FANCC: variants seen among roughly 807,000 people sequenced by gnomAD.
FANCC encodes Fanconi anemia group C protein.
A neutral mutation model predicts 71.3 loss-of-function variants in FANCC; 55 were observed. The ratio of observed to expected loss-of-function variants is 0.77; its 90% CI spans 0.62 to 0.97. The LOEUF is 0.97. Ranked by LOEUF, FANCC falls within the 50% of genes least tolerant of loss-of-function variation. FANCC has a pLI of 0.00. For synonymous variants in FANCC, 275 were observed against 244.9 expected, an observed-to-expected ratio of 1.12 and a Z score of -1.15; for missense variants, 678 against 670.9, an observed-to-expected ratio of 1.01 and a Z score of -0.12.
At chr9:95,289,710 G>T (rs1253625502) in intron 1 of FANCC, among the ~76,000 whole-genome samples, 2 of 152,142 alleles carry the variant, frequency 1.3e-5, no homozygotes, top group African/African-American at 4.8e-5. Flanking sequence ...GAGTACAGTG[G>T]TGCTATCATG....
chr9:95,314,698 T>A (rs543415951), intron 1 of FANCC, among the ~76,000 whole-genome samples: 3 of 151,004 alleles, frequency 2.0e-5, no homozygotes, highest in Non-Finnish European at 3.0e-5. Flanking sequence ...ATAAAAAAAA[T>A]TTTAATGAAA....
At chr9:95,312,799 C>A (rs749859279) in intron 1 of FANCC, among the ~76,000 whole-genome samples, 20 of 152,158 alleles carry the variant, frequency 1.3e-4, no homozygotes, top group Non-Finnish European at 2.5e-4. Flanking sequence ...GGAAAAATAC[C>A]CACTTCTTCC....
chr9:95,122,256 C>T (rs2072945135), intron 10 of FANCC, among the ~76,000 whole-genome samples: 1 of 152,064 alleles, frequency 6.6e-6, no homozygotes, highest in Non-Finnish European at 1.5e-5. Context: ...TTTACAGATA[C>T]TCATTTTATT....
chr9:95,206,895 A>T (rs1210864687), intron 4 of FANCC, among the ~76,000 whole-genome samples: 1 of 152,142 alleles, frequency 6.6e-6, no homozygotes, highest in Non-Finnish European at 1.5e-5. Context: ...ATGCTTTTCC[A>T]GGAGCATTAT....
intron 1 of FANCC, among the ~76,000 whole-genome samples, chr9:95,305,637 T>C (rs1835032959): frequency 3.3e-5 from 5 of 152,342 alleles, no homozygotes; most frequent in Admixed American, 3.3e-4. Context: ...ACTTTAATTC[T>C]AACAAACTCA....
At chr9:95,277,673 A>G (rs1833128054) in intron 1 of FANCC, among the ~76,000 whole-genome samples, 1 of 152,200 alleles carries the variant, frequency 6.6e-6, no homozygotes, top group Admixed American at 6.5e-5. Context: ...GCAGAAATAG[A>G]AAAATAGCCC....
At chr9:95,302,994 C>T (rs771459753) in intron 1 of FANCC, among the ~76,000 whole-genome samples, 5 of 152,032 alleles carry the variant, frequency 3.3e-5, no homozygotes, top group Admixed American at 6.6e-5. Context: ...CTAAGTATGT[C>T]TTGAACCTAA....
At chr9:95,203,217 C>T (rs1314317127) in intron 4 of FANCC, among the ~76,000 whole-genome samples, 1 of 151,902 alleles carries the variant, frequency 6.6e-6, no homozygotes, top group Non-Finnish European at 1.5e-5. Context: ...GGCAACATAG[C>T]AAGACCCCAT....
At chr9:95,194,679 T>C (rs971229233) in intron 4 of FANCC, among the ~76,000 whole-genome samples, 1 of 152,080 alleles carries the variant, frequency 6.6e-6, no homozygotes, top group Non-Finnish European at 1.5e-5. Context: ...CGTGAAATAG[T>C]GTTTGCCCAT....
intron 7 of FANCC, among the ~76,000 whole-genome samples, chr9:95,149,450 T>C (rs1829983451): frequency 6.6e-6 from 1 of 151,166 alleles, no homozygotes; most frequent in Non-Finnish European, 1.5e-5. Context: ...AAGTTAAAAA[T>C]AAAAAAATAA....
chr9:95,269,364 T>C (rs1832589102), intron 1 of FANCC, among the ~76,000 whole-genome samples: 1 of 152,234 alleles, frequency 6.6e-6, no homozygotes, highest in African/African-American at 2.4e-5. Flanking sequence ...GGAATTGTTT[T>C]TACAAACTCG....
At chr9:95,111,209 G>A in intron 13 of FANCC, 1 of 1,536,316 alleles carries the variant, frequency 6.5e-7, no homozygotes, top group South Asian at 1.2e-5. Context: ...AATGACCTTG[G>A]GGAAGAAGGG....
chr9:95,159,459 T>A (rs1345935530), intron 6 of FANCC, among the ~76,000 whole-genome samples: 1 of 152,210 alleles, frequency 6.6e-6, no homozygotes, highest in Non-Finnish European at 1.5e-5. Context: ...TCATTCCAAG[T>A]CTTTGCTATT....
At chr9:95,203,395 A>AAAAAC (rs1168036347) in intron 4 of FANCC, among the ~76,000 whole-genome samples, 3 of 151,524 alleles carry the variant, frequency 2.0e-5, no homozygotes, top group Non-Finnish European at 2.9e-5. Context: ...AAAAAAAAAA[A>AAAAAC]ACACCTGAAA....
At chr9:95,108,436 G>GT (rs975230010) in intron 13 of FANCC, among the ~76,000 whole-genome samples, 3 of 152,182 alleles carry the variant, frequency 2.0e-5, no homozygotes, top group Non-Finnish European at 2.9e-5. Flanking sequence ...CTTTATATCT[G>GT]TTTTTTCTCT....
intron 4 of FANCC, among the ~76,000 whole-genome samples, chr9:95,234,660 A>C (rs1830195053): frequency 6.6e-6 from 1 of 152,188 alleles, no homozygotes; most frequent in Non-Finnish European, 1.5e-5. Context: ...GAGAAACTGA[A>C]CCAATAAGAT....
intron 6 of FANCC, among the ~76,000 whole-genome samples, chr9:95,165,366 C>CT (rs926881479): frequency 1.5e-4 from 23 of 150,654 alleles, no homozygotes; most frequent in East Asian, 3.9e-4. Flanking sequence ...TTCTTATTTT[C>CT]TTTTTTTTTC....
intron 1 of FANCC, among the ~76,000 whole-genome samples, chr9:95,269,002 C>T (rs889132375): frequency 3.3e-5 from 5 of 152,118 alleles, no homozygotes; most frequent in Non-Finnish European, 4.4e-5. Flanking sequence ...AAAAATGGCT[C>T]AGTAAAATAT....
rs2135579805 is a variant in FANCC, at chr9:95,171,139, A to C, written c.461T>G (p.Val154Gly). The part of the protein sequence containing the change: ...DYYPGLLKNM[V>G]LSLASELREN... ...TCTGAGTTCAGACGCTAATGATAAAACCATCTGTAAAACAAAATCAGTTGC... is the reference window on the plus strand; with the variant it reads ...TCTGAGTTCAGACGCTAATGATAAACCCATCTGTAAAACAAAATCAGTTGC... The change falls in exon 6 of 15, where the codon GTT becomes GGT. Residue 154 changes from valine (V) to glycine (G), a missense_variant. Transcript: ENST00000289081. 2 of 1,612,682 alleles carry C rather than the reference A, an allele frequency of 1.2e-6. No individual in the cohort carries two copies. Among genetic ancestry groups the C allele is most frequent in the Non-Finnish European group, 1.7e-6 (2 of 1,178,922 alleles).
Sources: allele counts gnomAD v4.1 joint callset (sites outside exome capture counted in the v4.1 genomes callset), GRCh38; gene constraint gnomAD v4.1.1; transcripts MANE v1.5; gene names NCBI Gene and HGNC (gene_info 2026-07-23, HGNC 2026-07-21).